The following VPS33B variants were observed in gnomAD, a reference collection of about 807,000 sequenced individuals.
VPS33B encodes vacuolar protein sorting-associated protein 33B.
Under a neutral mutation model 95.3 loss-of-function variants are expected in VPS33B, and 80 were observed. The observed-to-expected ratio is 0.84, with a 90% CI of 0.70 to 1.01. The LOEUF is 1.01. Among genes scored for constraint, VPS33B ranks in the 50% least tolerant of loss-of-function variants. The pLI, the probability that VPS33B is intolerant of heterozygous loss-of-function variation, is 0.00. For synonymous variants in VPS33B, 280 were observed against 280.4 expected (o/e 1.00, Z 0.01); for missense variants, 715 against 773.4 (o/e 0.92, Z 0.90).
At chr15:91,014,025 C>T (rs2040851967) in intron 4 of VPS33B, among the ~76,000 whole-genome samples, 154 bp from the exon 5 acceptor site, 1 of 152,074 alleles carries the variant, frequency 6.6e-6, no homozygotes, top group African/African-American at 2.4e-5. Context: ...TGCGACCAGC[C>T]TGGCCAACAT....
In VPS33B at chr15:91,000,301, G is replaced by A. The variant is rs548384858; in HGVS notation, c.1581+189C>T. On this transcript the variant is annotated intron_variant, in intron 20 of 22. Coordinates refer to ENST00000333371, the MANE Select transcript of VPS33B (RefSeq NM_018668.5). The surrounding 1 kb of genome is among the most constrained non-coding windows in gnomAD (Gnocchi z 4.9). Reference sequence around the variant, plus strand: ...AGTCCCAGCTACTTCGGAAGCTGAGGCAGGAGAATCACTTGAATCTGGGAG... The same window carrying A: ...AGTCCCAGCTACTTCGGAAGCTGAGACAGGAGAATCACTTGAATCTGGGAG... Among the ~76,000 whole-genome samples the A allele has an allele frequency of 6.6e-6, 1 of 152,258 alleles. No individual in the cohort carries two copies. Among genetic ancestry groups the A allele is most frequent in the South Asian group, 2.1e-4 (1 of 4,824 alleles).
rs114242746 is a variant in VPS33B at position 91,001,329 on chromosome 15, A to C, written c.1479+60T>G. 9.0e-4 allele frequency: 1,175 copies of C among 1,299,664 alleles called. 13 individuals are homozygous for C. In the African/African-American group the frequency reaches 0.016, roughly 18 times the overall value. The allele number at this position is 1,299,664 out of a possible 1,614,324, so 80.5% of individuals were successfully genotyped here. Reference sequence around the variant, plus strand: ...CATCTCAAAAAAAAAAAAAAAAAAGAAAAGTACTCCACAATGGAATGAACC... The same window carrying C: ...CATCTCAAAAAAAAAAAAAAAAAAGCAAAGTACTCCACAATGGAATGAACC... On this transcript the variant is annotated intron_variant, in intron 19 of 22. Coordinates refer to ENST00000333371, the MANE Select transcript of VPS33B (RefSeq NM_018668.5).
chr15:91,006,168 A>G lies in VPS33B; in HGVS notation c.853-109T>C. ...GGTGTTCTGGCAGAAATACAAAGAA[A>G]GCTGAGCTGGGATCTGTAAGTCCAT... On this transcript the variant is annotated intron_variant, in intron 11 of 22. Transcript: ENST00000333371. The surrounding 1 kb of genome is among the most constrained non-coding windows in gnomAD (Gnocchi z 5.4). 7.2e-7 allele frequency: 1 copy of G among 1,394,424 alleles called. No individual in the cohort carries two copies. The highest frequency in any genetic ancestry group is 1.4e-5 in the African/African-American group (1 of 71,046). 86.4% of individuals were successfully genotyped at this position (1,394,424 alleles called of 1,614,324 possible).
chr15:91,004,903 A>G lies in VPS33B; in HGVS notation c.1199T>C (p.Met400Thr), dbSNP rs2040554195. The change falls in exon 16 of 23, where the codon ATG (methionine) becomes ACG (threonine). Residue 400 changes from methionine (M) to threonine (T), a missense_variant. Physicochemically the swap from Met to Thr is moderately conservative, Grantham distance 81 (BLOSUM62 -1). Transcript: ENST00000333371. ...QVSPIESLRLMCLLSITENGL... is the reference protein window; with the variant it reads ...QVSPIESLRLTCLLSITENGL... ...ATTCTCAGTGATGGACAAAAGGCAC[A>G]TGAGGCGCAGGCTTTCTATAGGCGA... The G allele has an allele frequency of 1.2e-6, 2 of 1,614,230 alleles. No individual in the cohort carries two copies. The highest frequency in any genetic ancestry group is 1.3e-5 in the African/African-American group (1 of 75,058).
At position 91,015,290 on chromosome 15, in the gene VPS33B, C is replaced by G. The variant is rs920597742; in HGVS notation, c.240-857G>C. Reference sequence around the variant, plus strand: ...GGTGGAGGTTACAGTGAGCCCAGATCGCGCCATTGCTCTCCAGCCTGGATG... The same window carrying G: ...GGTGGAGGTTACAGTGAGCCCAGATGGCGCCATTGCTCTCCAGCCTGGATG... On this transcript the variant is annotated intron_variant, in intron 3 of 22. Transcript: ENST00000333371. The surrounding 1 kb of genome is among the most constrained non-coding windows in gnomAD (Gnocchi z 4.7). Among the ~76,000 whole-genome samples, 1 of 151,918 alleles carries G rather than the reference C, an allele frequency of 6.6e-6. No individual in the cohort carries two copies. Among genetic ancestry groups the G allele is most frequent in the Admixed American group, 6.6e-5 (1 of 15,248 alleles).
At position 91,005,694 on chromosome 15, in the gene VPS33B, G is replaced by A. The variant is rs368931670; in HGVS notation, c.1030C>T (p.His344Tyr). Residue 344 changes from histidine to tyrosine, a missense_variant and splice_region_variant, in exon 13 of 23, where the codon CAT becomes TAT. By Grantham distance (83) the His-to-Tyr change is moderately conservative. Transcript: ENST00000333371. The surrounding 1 kb of genome is among the most constrained non-coding windows in gnomAD (Gnocchi z 6.4). ...LKQEHRLLSL[H>Y]IGACESIMKK... ...TCACGCCCCTCAAGCTGAAACCTAC[G>A]GAGACTCAGCAGGCGGTGCTCCTGT... The A allele has an allele frequency of 1.1e-5, 17 of 1,613,930 alleles. No individual in the cohort carries two copies. The highest frequency in any genetic ancestry group is 1.3e-5 in the African/African-American group (1 of 74,872).
In VPS33B at chr15:90,999,896, A is replaced by G. The variant is rs772393522; in HGVS notation, c.1657+4T>C. ...CAGCCTACCCCACTGTTAATGCCAC[A>G]TACCTGTGAATGCAAAGTCACTGCA... On this transcript the variant is annotated splice_donor_region_variant and intron_variant, in intron 21 of 22. Coordinates refer to ENST00000333371, the MANE Select transcript of VPS33B (RefSeq NM_018668.5). This position sits in a 1 kb window ranked among gnomAD's most constrained non-coding sequence, Gnocchi z 5.1. 9.3e-6 allele frequency: 15 copies of G among 1,614,056 alleles called. No homozygotes were observed. The highest frequency in any genetic ancestry group is 1.3e-5 in the Non-Finnish European group (15 of 1,180,024).
At chr15:91,004,490 C>T (rs138188706) in intron 16 of VPS33B, among the ~76,000 whole-genome samples, 46 of 152,062 alleles carry the variant, frequency 3.0e-4, no homozygotes, top group East Asian at 2.1e-3. Context: ...GGTGACAGAG[C>T]GAGACTCTTG....
In VPS33B at chr15:91,017,368, ATATATATATATATATATATATATAT is replaced by A. The variant is rs2040964629; in HGVS notation, c.178-369_178-345del. On this transcript the variant is annotated intron_variant, in intron 2 of 22. Coordinates refer to ENST00000333371, the MANE Select transcript of VPS33B (RefSeq NM_018668.5). ...CAAGACTCCATCTCTACAAAATTAA[ATATATATATATATATATATATATAT>A]ATATATATATATATATATATATATA... 2.8e-4 allele frequency among the ~76,000 whole-genome samples: 10 copies of A among 35,256 alleles called. 2 individuals carry two copies. The highest frequency in any genetic ancestry group is 9.3e-4 in the African/African-American group (10 of 10,704). The allele number at this position is 35,256 out of a possible 152,430, so 23.1% of individuals were successfully genotyped here.
In VPS33B at chr15:91,007,527, A is replaced by G. The variant is rs1455084513; in HGVS notation, c.545T>C (p.Leu182Pro). The stretch of plus-strand genomic sequence containing the variant: ...AAAGGGTCCATAGAGAGTGCTGAGA[A>G]GGTGTAAGGCCTGAGCTACAGTGTT... ...WINTVAQALH[L>P]LSTLYGPFPN... Residue 182 changes from leucine (L) to proline (P), a missense_variant, in exon 8 of 23, where the codon CTT (leucine) becomes CCT (proline). By Grantham distance (98) the Leu-to-Pro change is moderately conservative. Coordinates refer to ENST00000333371, the MANE Select transcript of VPS33B (RefSeq NM_018668.5). This position sits in a 1 kb window ranked among gnomAD's most constrained non-coding sequence, Gnocchi z 5.3. The G allele has an allele frequency of 3.7e-6, 6 of 1,614,220 alleles. No homozygotes were observed. Among genetic ancestry groups the G allele is most frequent in the Non-Finnish European group, 5.1e-6 (6 of 1,180,040 alleles).
At chr15:91,008,748 G>T (rs1352227488) in intron 6 of VPS33B, among the ~76,000 whole-genome samples, 1 of 152,162 alleles carries the variant, frequency 6.6e-6, no homozygotes, top group African/African-American at 2.4e-5. Context: ...GTGCTCCAAA[G>T]AGGTCAAACA....
chr15:91,012,207 G>A (rs75134622), intron 5 of VPS33B, among the ~76,000 whole-genome samples: 56 of 152,110 alleles, frequency 3.7e-4, no homozygotes, highest in Non-Finnish European at 5.6e-4. Flanking sequence ...AATACTTCAC[G>A]TTTGTATTCC....
chr15:91,008,333 C>T (rs1195865240), intron 6 of VPS33B, among the ~76,000 whole-genome samples: 2 of 152,170 alleles, frequency 1.3e-5, no homozygotes, highest in Non-Finnish European at 2.9e-5. Flanking sequence ...GGTGCAGTCT[C>T]GGCTCACTGC....
chr15:91,014,237 AAAAAAG>A, intron 4 of VPS33B, 141 bp downstream of exon 4: 1 of 870,618 alleles, frequency 1.1e-6, no homozygotes, highest in Non-Finnish European at 1.8e-6. Context: ...AAAAAAAAAA[AAAAAAG>A]AAGCGGGGAA....
rs1450701643 is a variant in VPS33B at position 91,005,344 on chromosome 15, G to A, written c.1105+36C>T. 2 of 1,614,042 alleles carry A rather than the reference G, an allele frequency of 1.2e-6. No homozygotes were observed. Among genetic ancestry groups the A allele is most frequent in the African/African-American group, 1.3e-5 (1 of 74,914 alleles). On this transcript the variant is annotated intron_variant, in intron 14 of 22. Coordinates refer to ENST00000333371, the MANE Select transcript of VPS33B (RefSeq NM_018668.5). This position sits in a 1 kb window ranked among gnomAD's most constrained non-coding sequence, Gnocchi z 6.4. ...GGGGCTGGGAGCTGGGGAAGTAGAA[G>A]CGTGGGCAGTAGCACAGCAAGGCTG...
chr15:91,014,491 TTAG>T, intron 3 of VPS33B, 58 bp from the exon 4 acceptor site: 1 of 1,587,704 alleles, frequency 6.3e-7, no homozygotes, highest in Non-Finnish European at 8.6e-7. Flanking sequence ...GGATAGCAAC[TTAG>T]AAGAAACTGA....
In VPS33B at chr15:91,017,000, T is replaced by C. The variant is rs756014517; in HGVS notation, c.202A>G (p.Lys68Glu). ...LKQHEVDKLY[K>E]VENKPALSSN... The stretch of plus-strand genomic sequence containing the variant: ...CTGAGGGCTGGCTTGTTCTCCACCT[T>C]GTATAGCTTGTCTACTTCGTGTTGC... Residue 68 changes from lysine to glutamate, a missense_variant, in exon 3 of 23, where the codon AAG (lysine) becomes GAG (glutamate). Physicochemically the swap from Lys to Glu is moderately conservative, Grantham distance 56. Coordinates refer to ENST00000333371, the MANE Select transcript of VPS33B (RefSeq NM_018668.5). 1.2e-6 allele frequency: 2 copies of C among 1,613,990 alleles called. No homozygotes were observed. Among genetic ancestry groups the C allele is most frequent in the Non-Finnish European group, 8.5e-7 (1 of 1,179,976 alleles).
chr15:91,022,172 G>T lies in VPS33B; in HGVS notation c.78C>A (p.Leu26=). The stretch of plus-strand genomic sequence containing the variant: ...CACTGACCTGCTCCAGCAGATAGAT[G>T]AGCTGGTCTCGAGCCAGCCTCTTCA... ...SMLKRLARDQ[L]IYLLEQLPGK... is the part of the protein sequence containing the mutation. The change falls in exon 1 of 23, where the codon CTC becomes CTA. Residue 26 remains leucine (L), a synonymous_variant. Transcript: ENST00000333371. 1 of 1,567,324 alleles carries T rather than the reference G, an allele frequency of 6.4e-7. No homozygotes were observed. Among genetic ancestry groups the T allele is most frequent in the Non-Finnish European group, 8.7e-7 (1 of 1,155,028 alleles).
In VPS33B at chr15:91,007,693, T is replaced by C. The variant is rs997627718; in HGVS notation, c.499-120A>G. ...GGCCTGGGGGATGCTTGAAAGGTTTTCATTGGCTCCACAGGAAGTCCCACA... is the reference window on the plus strand; with the variant it reads ...GGCCTGGGGGATGCTTGAAAGGTTTCCATTGGCTCCACAGGAAGTCCCACA... On this transcript the variant is annotated intron_variant, in intron 7 of 22. Transcript: ENST00000333371. This position sits in a 1 kb window ranked among gnomAD's most constrained non-coding sequence, Gnocchi z 5.3. 4.0e-6 allele frequency: 5 copies of C among 1,247,526 alleles called. No homozygotes were observed. In the Admixed American group the frequency reaches 8.6e-5, roughly 21 times the overall value. 77.3% of individuals were successfully genotyped at this position (1,247,526 alleles called of 1,614,324 possible).
Sources: allele counts gnomAD v4.1 joint callset (sites outside exome capture counted in the v4.1 genomes callset), GRCh38; gene constraint gnomAD v4.1.1; non-coding constraint Gnocchi (gnomAD v3.1); transcripts MANE v1.5; gene names NCBI Gene and HGNC (gene_info 2026-07-23, HGNC 2026-07-21).